Variants in MAFF observed in about 807,000 individuals in gnomAD.
MAFF encodes the protein transcription factor MafF.
A neutral mutation model predicts 2.7 loss-of-function variants in MAFF; 4 were observed. The observed-to-expected ratio is 1.48, with a 90% CI of 0.73 to 3.39. The LOEUF (loss-of-function observed/expected upper bound fraction) is 3.39. Ranked by LOEUF, MAFF falls within the 30% of genes most tolerant of loss-of-function variation. The pLI is 0.01. For missense variants in MAFF, 190 were observed against 246.6 expected (o/e 0.77, Z 1.54); for synonymous variants, 113 against 119.4 (o/e 0.95, Z 0.35).
chr22:38,205,198 C>T (rs2091042749), intron 1 of MAFF: 1 of 152,224 alleles, frequency 6.6e-6, no homozygotes, highest in African/African-American at 2.4e-5. Context: ...TGGAAGGTAC[C>T]TTAGGCTCGG....
At chr22:38,209,777 G>T (rs1053831290) in intron 1 of MAFF, among the ~76,000 whole-genome samples, 7 of 126,554 alleles carry the variant, frequency 5.5e-5, no homozygotes, top group Admixed American at 3.1e-4. Flanking sequence ...TCCTGTCACT[G>T]CACTCCAGCC....
chr22:38,214,857 C>T lies in MAFF; in HGVS notation c.474C>T (p.His158=). The T allele has an allele frequency of 1.3e-6, 2 of 1,508,650 alleles. No individual in the cohort carries two copies. The highest frequency in any genetic ancestry group is 2.1e-5 in the Admixed American group (1 of 46,722). 93.5% of individuals were successfully genotyped at this position (1,508,650 alleles called of 1,614,324 possible). The change falls in exon 3 of 3, where the codon CAC becomes CAT. Residue 158 remains histidine, a synonymous_variant. Coordinates refer to ENST00000338483, the MANE Select transcript of MAFF (RefSeq NM_012323.4). This position sits in a 1 kb window ranked among gnomAD's most constrained non-coding sequence, Gnocchi z 6.3. ...SGPAHGPDPA[H]GPASCS is the part of the protein sequence containing the mutation. ...CCGCCCACGGCCCGGACCCCGCCCACGGCCCGGCCTCCTGCTCCTAGTGCC... is the reference window on the plus strand; with the variant it reads ...CCGCCCACGGCCCGGACCCCGCCCATGGCCCGGCCTCCTGCTCCTAGTGCC...
Position 38,216,238 on chromosome 22 carries a change from GGT to G in MAFF, c.*1362_*1363del, listed in dbSNP as rs2091149023. 1 of 154,002 alleles carries G rather than the reference GGT, an allele frequency of 6.5e-6. No homozygotes were observed. The highest frequency in any genetic ancestry group is 1.5e-5 in the Non-Finnish European group (1 of 68,090). 9.5% of individuals were successfully genotyped at this position (154,002 alleles called of 1,614,324 possible). A position where few individuals can be genotyped will look rare whatever the true frequency, so the allele number is the denominator to read the frequency against. ...AAAAATACAAAAATTAGCCATGCAT[GGT>G]GGCTCATGCCTGTAGTCCCAGCTAC... On this transcript the variant is annotated 3_prime_UTR_variant, in exon 3 of 3. Transcript: ENST00000338483.
chr22:38,214,891 C>A lies in MAFF; in HGVS notation c.*13C>A, dbSNP rs1288680035. On this transcript the variant is annotated 3_prime_UTR_variant, in exon 3 of 3. Transcript: ENST00000338483. This position sits in a 1 kb window ranked among gnomAD's most constrained non-coding sequence, Gnocchi z 6.3. ...CTCCTGCTCCTAGTGCCCGCCCCCGCCATGCCTCAGCCACGCCCCTCCGGC... is the reference window on the plus strand; with the variant it reads ...CTCCTGCTCCTAGTGCCCGCCCCCGACATGCCTCAGCCACGCCCCTCCGGC... 3 of 1,512,748 alleles carry A rather than the reference C, an allele frequency of 2.0e-6. No homozygotes were observed. The highest frequency in any genetic ancestry group is 2.8e-5 in the African/African-American group (2 of 70,272). 93.7% of individuals were successfully genotyped at this position (1,512,748 alleles called of 1,614,324 possible).
intron 1 of MAFF, chr22:38,203,338 T>A (rs1232170211): frequency 1.3e-5 from 2 of 152,318 alleles, no homozygotes; most frequent in Non-Finnish European, 1.5e-5. Context: ...CCTGGTAGTT[T>A]CAGTTCACAA....
Position 38,210,444 on chromosome 22 carries a change from G to A in MAFF, c.-31-3379G>A, listed in dbSNP as rs531588114. Among the ~76,000 whole-genome samples the A allele has an allele frequency of 3.9e-5, 6 of 152,310 alleles. No individual in the cohort carries two copies. The South Asian group carries it at 1.2e-3, about 32-fold the overall frequency. ...AGGATTCCTTGAGTATCTGCGAGGT[G>A]CCAGGCGCGGTTCTAGGCATGGGGG... On this transcript the variant is annotated intron_variant, in intron 1 of 2. Coordinates refer to ENST00000338483, the MANE Select transcript of MAFF (RefSeq NM_012323.4).
At position 38,214,935 on chromosome 22, in the gene MAFF, G is replaced by C; in HGVS notation, c.*57G>C. On this transcript the variant is annotated 3_prime_UTR_variant, in exon 3 of 3. Transcript: ENST00000338483. The surrounding 1 kb of genome is among the most constrained non-coding windows in gnomAD (Gnocchi z 6.3). ...CTCCGGCCTCAGCTCCCTCCCCAAA[G>C]TGCCTGAGCGCCGCCTCTGTGCCCA... is the stretch of plus-strand genomic sequence containing the variant. The C allele has an allele frequency of 7.7e-7, 1 of 1,302,674 alleles. No homozygotes were observed. Among genetic ancestry groups the C allele is most frequent in the Non-Finnish European group, 1.1e-6 (1 of 934,726 alleles). 80.7% of individuals were successfully genotyped at this position (1,302,674 alleles called of 1,614,324 possible).
intron 1 of MAFF, among the ~76,000 whole-genome samples, chr22:38,209,409 G>A (rs2091079914): frequency 6.6e-6 from 1 of 152,048 alleles, no homozygotes; most frequent in South Asian, 2.1e-4. Context: ...GGTCAGATTC[G>A]CGTGGTGCAA....
At chr22:38,206,938 C>T (rs2091056409) in intron 1 of MAFF, among the ~76,000 whole-genome samples, 1 of 152,106 alleles carries the variant, frequency 6.6e-6, no homozygotes, top group Non-Finnish European at 1.5e-5. Flanking sequence ...ACTTGCAAAT[C>T]GTATCCCTAG....
chr22:38,206,194 G>A (rs1398592545), intron 1 of MAFF, among the ~76,000 whole-genome samples: 1 of 152,188 alleles, frequency 6.6e-6, no homozygotes, highest in African/African-American at 2.4e-5. Context: ...TCCAAGCTCA[G>A]GAGAAAACAG....
At chr22:38,204,767 C>T (rs568163991) in intron 1 of MAFF, among the ~76,000 whole-genome samples, 8 of 152,284 alleles carry the variant, frequency 5.3e-5, no homozygotes, top group South Asian at 2.1e-4. Context: ...TGTTAGCATA[C>T]GATCCTGGGA....
chr22:38,212,379 G>A (rs1358170401), intron 1 of MAFF, among the ~76,000 whole-genome samples: 1 of 152,122 alleles, frequency 6.6e-6, no homozygotes, highest in African/African-American at 2.4e-5. Context: ...GGTTCTCATG[G>A]CGGAGAACCT....
chr22:38,215,961 A>G lies in MAFF; in HGVS notation c.*1083A>G, dbSNP rs2091146192. Reference sequence around the variant, plus strand: ...CGGATCTAAGTTATTCTCCCCAGCCAGAGCCCGAGCTCCTGCTCCCTGGGA... The same window carrying G: ...CGGATCTAAGTTATTCTCCCCAGCCGGAGCCCGAGCTCCTGCTCCCTGGGA... On this transcript the variant is annotated 3_prime_UTR_variant, in exon 3 of 3. Coordinates refer to ENST00000338483, the MANE Select transcript of MAFF (RefSeq NM_012323.4). 6.0e-6 allele frequency: 1 copy of G among 167,158 alleles called. No individual in the cohort carries two copies. The highest frequency in any genetic ancestry group is 6.5e-5 in the Admixed American group (1 of 15,286). The allele number at this position is 167,158 out of a possible 1,614,324, so 10.4% of individuals were successfully genotyped here.
rs2091149313 is a variant in MAFF at position 38,216,263 on chromosome 22, T to G, written c.*1385T>G. On this transcript the variant is annotated 3_prime_UTR_variant, in exon 3 of 3. Coordinates refer to ENST00000338483, the MANE Select transcript of MAFF (RefSeq NM_012323.4). ...GGTGGCTCATGCCTGTAGTCCCAGC[T>G]ACTTGGGAGGCTGAGGCAGGAGGAT... 6.5e-6 allele frequency: 1 copy of G among 154,600 alleles called. No homozygotes were observed. The highest frequency in any genetic ancestry group is 1.5e-5 in the Non-Finnish European group (1 of 68,014). 9.6% of individuals were successfully genotyped at this position (154,600 alleles called of 1,614,324 possible). A position where few individuals can be genotyped will look rare whatever the true frequency, so the allele number is the denominator to read the frequency against.
At chr22:38,205,308 A>C (rs1343050219) in intron 1 of MAFF, 2 of 151,914 alleles carry the variant, frequency 1.3e-5, no homozygotes, top group African/African-American at 2.4e-5. Flanking sequence ...CTGGGGCTGG[A>C]ACCCCAGGCC....
intron 1 of MAFF, 180 bp from the exon 2 acceptor site, chr22:38,213,643 C>T (rs2091119188): frequency 1.5e-6 from 1 of 681,922 alleles, no homozygotes; most frequent in South Asian, 1.5e-5. Flanking sequence ...GTGCACAGCT[C>T]CCGCGGCTGG....
At chr22:38,206,490 C>T (rs1012144130) in intron 1 of MAFF, among the ~76,000 whole-genome samples, 3 of 150,086 alleles carry the variant, frequency 2.0e-5, no homozygotes, top group African/African-American at 4.9e-5. Context: ...TATAGGTGTG[C>T]GCCACCACAC....
chr22:38,215,035 C>A lies in MAFF; in HGVS notation c.*157C>A, dbSNP rs1274511822. On this transcript the variant is annotated 3_prime_UTR_variant, in exon 3 of 3. Transcript: ENST00000338483. ...CGTGGGCCCTGTCTTCCTCTTGCAG[C>A]CCCCCAAACTGGGACCGAATGACCC... is the stretch of plus-strand genomic sequence containing the variant. 1 of 636,158 alleles carries A rather than the reference C, an allele frequency of 1.6e-6. No homozygotes were observed. Among genetic ancestry groups the A allele is most frequent in the East Asian group, 3.5e-5 (1 of 28,780 alleles). 39.4% of individuals were successfully genotyped at this position (636,158 alleles called of 1,614,324 possible).
At position 38,214,710 on chromosome 22, in the gene MAFF, C is replaced by T; in HGVS notation, c.327C>T (p.Gly109=). Residue 109 remains glycine, a synonymous_variant, in exon 3 of 3, where the codon GGC becomes GGT. Transcript: ENST00000338483. The surrounding 1 kb of genome is among the most constrained non-coding windows in gnomAD (Gnocchi z 6.3). The part of the protein sequence containing the change: ...AMRLELDALR[G]KCEALQGFAR... ...GCCTGGAGCTCGACGCGCTGCGCGG[C>T]AAGTGCGAGGCGCTGCAGGGCTTCG... is the stretch of plus-strand genomic sequence containing the variant. 6.5e-7 allele frequency: 1 copy of T among 1,536,578 alleles called. No homozygotes were observed. The highest frequency in any genetic ancestry group is 8.7e-7 in the Non-Finnish European group (1 of 1,143,526).
Sources: gnomAD v4.1 joint callset for allele counts (sites outside exome capture counted in the v4.1 genomes callset) on GRCh38, gnomAD v4.1.1 for gene constraint, Gnocchi (gnomAD v3.1) non-coding constraint, MANE v1.5 for transcripts, NCBI Gene and HGNC (gene_info 2026-07-23, HGNC 2026-07-21) for gene names.